The following NBAS variants were observed in gnomAD, a reference collection of about 807,000 sequenced individuals.
NBAS encodes NAG/BC035112 fusion.
In NBAS, 219 loss-of-function variants were observed where a neutral mutation model predicts 302.5. The observed-to-expected ratio is 0.72, with a 90% CI of 0.65 to 0.81. The LOEUF (loss-of-function observed/expected upper bound fraction) is 0.81, where lower values mean the gene tolerates loss of function less well. Ranked by LOEUF, NBAS falls within the 30% of genes least tolerant of loss-of-function variation. The pLI is 0.00. For missense variants in NBAS, 2,932 were observed against 2,841.6 expected (o/e 1.03, Z -0.72); for synonymous variants, 1,118 against 1,021.6 (o/e 1.09, Z -1.80).
At chr2:15,545,334 CA>C (rs949652602) in intron 6 of NBAS, among the ~76,000 whole-genome samples, 1 of 151,634 alleles carries the variant, frequency 6.6e-6, no homozygotes, top group African/African-American at 2.4e-5. Context: ...TTAATAAGGG[CA>C]AAAATCAAGG....
intron 48 of NBAS, among the ~76,000 whole-genome samples, chr2:15,204,834 G>C (rs2147843155): frequency 6.6e-6 from 1 of 152,246 alleles, no homozygotes; most frequent in African/African-American, 2.4e-5. Context: ...ACAGGGTGGG[G>C]AACATCATAC....
At chr2:15,543,583 G>A (rs1663956789) in intron 6 of NBAS, among the ~76,000 whole-genome samples, 1 of 152,200 alleles carries the variant, frequency 6.6e-6, no homozygotes, top group South Asian at 2.1e-4. Context: ...CATGGTGGAA[G>A]GCAAGGAGGA....
the NBAS span, among the ~76,000 whole-genome samples, chr2:14,931,161 A>G: frequency 6.6e-6 from 1 of 152,246 alleles, no homozygotes; most frequent in African/African-American, 2.4e-5. Context: ...ACCCCAGGAA[A>G]CAAGGGACAG....
intron 13 of NBAS, among the ~76,000 whole-genome samples, chr2:15,476,456 T>C (rs896565565): frequency 6.6e-5 from 10 of 151,934 alleles, no homozygotes; most frequent in African/African-American, 2.4e-4. Context: ...GGCACAGTGG[T>C]TCACGCCTGT....
At chr2:15,215,821 AG>A (rs1666625975) in intron 48 of NBAS, among the ~76,000 whole-genome samples, 1 of 152,282 alleles carries the variant, frequency 6.6e-6, no homozygotes, top group Admixed American at 6.5e-5. Flanking sequence ...TTCTAAAACT[AG>A]TGGTAGAGGG....
the NBAS span, among the ~76,000 whole-genome samples, chr2:15,026,462 C>CAAAAAAAAAAAAAAAAAAAAAA: frequency 4.4e-4 from 2 of 4,532 alleles, no homozygotes; most frequent in Non-Finnish European, 5.9e-4. Context: ...GACTCCGTCT[C>CAAAAAAAAAAAAAAAAAAAAAA]AAAAAAAAAA....
chr2:15,462,650 G>C (rs1294069285), intron 19 of NBAS, among the ~76,000 whole-genome samples: 1 of 152,120 alleles, frequency 6.6e-6, no homozygotes, highest in Non-Finnish European at 1.5e-5. Flanking sequence ...AGGAAGGAGA[G>C]CTGAGCAGTT....
Position 15,548,589 on chromosome 2 carries a change from G to A in NBAS, c.379+2904C>T, listed in dbSNP as rs1245064518. ...ACCTGGGAGGCAGAGGGTGCAGTGA[G>A]CTGAGATCGCACCACTGCACTCCAG... On this transcript the variant is annotated intron_variant, in intron 6 of 51. Coordinates refer to ENST00000281513, the MANE Select transcript of NBAS (RefSeq NM_015909.4). Among the ~76,000 whole-genome samples, 5 of 152,182 alleles carry A rather than the reference G, an allele frequency of 3.3e-5. No homozygotes were observed. The East Asian group carries it at 9.6e-4, about 29-fold the overall frequency.
In NBAS at chr2:15,417,661, C is replaced by T; in HGVS notation, c.2629G>A (p.Gly877Ser). 6.2e-7 allele frequency: 1 copy of T among 1,613,910 alleles called. No individual in the cohort carries two copies. The highest frequency in any genetic ancestry group is 1.1e-5 in the South Asian group (1 of 91,062). ...IRLGMERNIP[G>S]LLVLCDNLVT... ...AAATTGTCACAGAGAACCAGCAAAC[C>T]AGGAATATTCCGCTCCATCCCAAGT... The change falls in exon 24 of 52, where the codon GGT becomes AGT. Residue 877 changes from glycine (G) to serine (S), a missense_variant. Coordinates refer to ENST00000281513, the MANE Select transcript of NBAS (RefSeq NM_015909.4).
chr2:15,383,385 A>T (rs1439068764), intron 28 of NBAS, 68 bp from the exon 29 acceptor site: 21 of 1,498,600 alleles, frequency 1.4e-5, no homozygotes, highest in Middle Eastern at 3.4e-4. Flanking sequence ...TCTTCAAATG[A>T]TCTAAAGTTA....
At chr2:15,222,834 A>T (rs1263796521) in intron 47 of NBAS, among the ~76,000 whole-genome samples, 1 of 152,232 alleles carries the variant, frequency 6.6e-6, no homozygotes, top group Non-Finnish European at 1.5e-5. Context: ...TTACTCAGCT[A>T]TGATGAGATA....
intron 44 of NBAS, among the ~76,000 whole-genome samples, chr2:15,247,847 C>A (rs1040595409): frequency 4.6e-5 from 7 of 151,868 alleles, no homozygotes; most frequent in Admixed American, 2.6e-4. Flanking sequence ...GACTCCCACA[C>A]AATAATAGTG....
intron 23 of NBAS, among the ~76,000 whole-genome samples, chr2:15,419,903 G>A (rs1677129435): frequency 6.6e-6 from 1 of 151,894 alleles, no homozygotes; most frequent in Non-Finnish European, 1.5e-5. Context: ...TAGTAGAGAT[G>A]GCGTTTCACC....
At chr2:14,892,797 T>C in the NBAS span, among the ~76,000 whole-genome samples, 6 of 152,330 alleles carry the variant, frequency 3.9e-5, no homozygotes, top group Admixed American at 1.3e-4. Flanking sequence ...TATTACTTTT[T>C]GAATACTCTG....
chr2:15,085,677 T>C, the NBAS span, among the ~76,000 whole-genome samples: 1 of 152,196 alleles, frequency 6.6e-6, no homozygotes, highest in Non-Finnish European at 1.5e-5. Flanking sequence ...GGCCTCTGTG[T>C]GCTCTTGGGG....
At chr2:15,495,075 A>G (rs1681014657) in intron 11 of NBAS, among the ~76,000 whole-genome samples, 1 of 152,194 alleles carries the variant, frequency 6.6e-6, no homozygotes, top group South Asian at 2.1e-4. Context: ...GTCTCTTGCC[A>G]AAATGCTGAC....
chr2:15,017,347 C>T, the NBAS span, among the ~76,000 whole-genome samples: 1 of 151,892 alleles, frequency 6.6e-6, no homozygotes, highest in Non-Finnish European at 1.5e-5. Context: ...AGCTTCGTCA[C>T]AGCAAAGAAA....
At chr2:15,078,175 T>C in the NBAS span, among the ~76,000 whole-genome samples, 1 of 152,192 alleles carries the variant, frequency 6.6e-6, no homozygotes. Context: ...TTGTGTTCCA[T>C]AACACAGAGT....
chr2:14,834,672 G>A, the NBAS span, among the ~76,000 whole-genome samples: 4 of 152,084 alleles, frequency 2.6e-5, no homozygotes, highest in East Asian at 5.8e-4. Context: ...AGGTAGGAGA[G>A]GGGGGAAGTG....
Sources: allele counts gnomAD v4.1 joint callset (sites outside exome capture counted in the v4.1 genomes callset), GRCh38; gene constraint gnomAD v4.1.1; transcripts MANE v1.5; gene names NCBI Gene and HGNC (gene_info 2026-07-23, HGNC 2026-07-21).